The following ODAD2 variants were observed in gnomAD, a reference collection of about 807,000 sequenced individuals.
The protein encoded by ODAD2 is outer dynein arm docking complex subunit 2.
In ODAD2, 89 loss-of-function variants were observed where a neutral mutation model predicts 106.8. The observed-to-expected ratio is 0.83, with a 90% CI of 0.70 to 0.99. ODAD2 has a LOEUF of 0.99. Ranked by LOEUF, ODAD2 falls within the 50% of genes least tolerant of loss-of-function variation. The pLI is 0.00. For missense variants in ODAD2, 1,168 were observed against 1,238.5 expected (o/e 0.94, Z 0.85); for synonymous variants, 404 against 436.2 (o/e 0.93, Z 0.92).
intron 7 of ODAD2, among the ~76,000 whole-genome samples, chr10:27,978,827 C>T (rs1388619557): frequency 1.3e-5 from 2 of 151,828 alleles, no homozygotes; most frequent in Admixed American, 6.6e-5. Flanking sequence ...GAATAGAAGG[C>T]AACTTCCTCA....
rs371609672 is a variant in ODAD2 at position 27,995,153 on chromosome 10, G to A, written c.-11C>T. On this transcript the variant is annotated 5_prime_UTR_variant, in exon 2 of 20. The change creates a new upstream start codon in the 5' untranslated region. Transcript: ENST00000305242. ...CAGAGCCACACCCATGGGATCCACC[G>A]TGCTCAGACCTGAGCTTAGCACACG... 1.9e-5 allele frequency: 31 copies of A among 1,614,040 alleles called. No homozygotes were observed. In the African/African-American group the frequency reaches 2.8e-4, roughly 15 times the overall value.
In ODAD2 at chr10:27,826,459, A is replaced by C. The variant is rs981722449; in HGVS notation, c.3022-13834T>G. Among the ~76,000 whole-genome samples, 3 of 151,962 alleles carry C rather than the reference A, an allele frequency of 2.0e-5. No individual in the cohort carries two copies. In the East Asian group the frequency reaches 5.8e-4, roughly 29 times the overall value. On this transcript the variant is annotated intron_variant, in intron 19 of 19. Coordinates refer to ENST00000305242, the MANE Select transcript of ODAD2 (RefSeq NM_018076.5). ...TTTAAAACCGGCTCCACTCTCCTCA[A>C]ATTACCTAACCCACCACTTCAGTTC...
chr10:27,980,740 T>C (rs1446047356), intron 7 of ODAD2, among the ~76,000 whole-genome samples: 1 of 152,138 alleles, frequency 6.6e-6, no homozygotes, highest in Non-Finnish European at 1.5e-5. Context: ...ATGAAAATGG[T>C]GTGGCCCCCG....
chr10:27,908,978 C>T (rs551175412), intron 16 of ODAD2, among the ~76,000 whole-genome samples: 2 of 152,098 alleles, frequency 1.3e-5, no homozygotes, highest in Non-Finnish European at 2.9e-5. Flanking sequence ...AAACCTAAAA[C>T]TTTCATACCA....
At chr10:27,894,154 T>C (rs1011878023) in intron 17 of ODAD2, among the ~76,000 whole-genome samples, 3 of 151,912 alleles carry the variant, frequency 2.0e-5, no homozygotes, top group African/African-American at 7.3e-5. Flanking sequence ...AAAATAAATA[T>C]TTAAATAAAT....
intron 10 of ODAD2, among the ~76,000 whole-genome samples, chr10:27,951,886 C>T (rs1299531759): frequency 1.3e-5 from 2 of 151,772 alleles, no homozygotes; most frequent in Non-Finnish European, 2.9e-5. Flanking sequence ...ACCAGCCTGA[C>T]CAATATGGTG....
At chr10:27,914,884 C>T (rs1844253927) in intron 16 of ODAD2, among the ~76,000 whole-genome samples, 1 of 151,776 alleles carries the variant, frequency 6.6e-6, no homozygotes, top group African/African-American at 2.4e-5. Flanking sequence ...AACAGAAAAA[C>T]AAAGAGAAAA....
At chr10:27,964,058 C>T (rs1039677229) in intron 9 of ODAD2, among the ~76,000 whole-genome samples, 15 of 152,132 alleles carry the variant, frequency 9.9e-5, no homozygotes, top group African/African-American at 3.6e-4. Flanking sequence ...CCTGTCTCTA[C>T]TAAAAATACA....
chr10:27,851,582 T>G (rs571969297), intron 19 of ODAD2, among the ~76,000 whole-genome samples: 3 of 151,462 alleles, frequency 2.0e-5, no homozygotes, highest in African/African-American at 7.3e-5. Context: ...AATTAAACAT[T>G]GCAGAAAAAA....
Position 27,944,438 on chromosome 10 carries a change from G to A in ODAD2, c.1534-7C>T. On this transcript the variant is annotated splice_region_variant and splice_polypyrimidine_tract_variant and intron_variant, in intron 11 of 19. Coordinates refer to ENST00000305242, the MANE Select transcript of ODAD2 (RefSeq NM_018076.5). The stretch of plus-strand genomic sequence containing the variant: ...GTATTTTTAATGAACCAATCTGTGT[G>A]AGAAAAAAAAAGATGAGTGGCGAAT... The A allele has an allele frequency of 1.2e-6, 2 of 1,604,546 alleles. No homozygotes were observed. Among genetic ancestry groups the A allele is most frequent in the Non-Finnish European group, 1.7e-6 (2 of 1,174,416 alleles).
intron 2 of ODAD2, among the ~76,000 whole-genome samples, chr10:27,988,020 A>AT (rs1588667999): frequency 6.7e-6 from 1 of 150,258 alleles, no homozygotes; most frequent in East Asian, 1.9e-4. Flanking sequence ...TGAAAAAAAA[A>AT]GCAAACTGAA....
chr10:27,837,012 C>T (rs1837944099), intron 19 of ODAD2, among the ~76,000 whole-genome samples: 1 of 152,136 alleles, frequency 6.6e-6, no homozygotes, highest in African/African-American at 2.4e-5. Context: ...CTTTCCAGAT[C>T]CTAAACTGCC....
chr10:27,857,626 A>G (rs1306749631), intron 19 of ODAD2, among the ~76,000 whole-genome samples: 1 of 152,198 alleles, frequency 6.6e-6, no homozygotes, highest in Non-Finnish European at 1.5e-5. Flanking sequence ...ATTCAAACTG[A>G]CTATTCAAAC....
intron 17 of ODAD2, among the ~76,000 whole-genome samples, chr10:27,869,396 T>C (rs1840689607): frequency 1.3e-5 from 2 of 151,914 alleles, no homozygotes; most frequent in Admixed American, 6.6e-5. Flanking sequence ...CCTGAGAGTA[T>C]ACTGAAAAGT....
At chr10:27,887,039 T>C (rs1365585973) in intron 17 of ODAD2, among the ~76,000 whole-genome samples, 2 of 151,888 alleles carry the variant, frequency 1.3e-5, no homozygotes, top group African/African-American at 2.4e-5. Flanking sequence ...TAAATGTAAA[T>C]GGAATAAAGT....
chr10:27,958,830 C>T, intron 10 of ODAD2: 2 of 1,298,542 alleles, frequency 1.5e-6, no homozygotes, highest in Non-Finnish European at 2.0e-6. Context: ...AGGGGTTAGT[C>T]AACTCACCCA....
At chr10:27,986,835 C>T (rs939831830) in intron 3 of ODAD2, among the ~76,000 whole-genome samples, 3 of 151,552 alleles carry the variant, frequency 2.0e-5, no homozygotes, top group Admixed American at 6.6e-5. Flanking sequence ...AAAATATTTG[C>T]CACAAAGTTG....
chr10:27,967,849 CCACTG>C lies in ODAD2; in HGVS notation c.1238+1069_1238+1073del, dbSNP rs1233179537. Among the ~76,000 whole-genome samples, 28 of 150,564 alleles carry C rather than the reference CCACTG, an allele frequency of 1.9e-4. No homozygotes were observed. The South Asian group carries it at 5.0e-3, about 27-fold the overall frequency. On this transcript the variant is annotated intron_variant, in intron 9 of 19. Coordinates refer to ENST00000305242, the MANE Select transcript of ODAD2 (RefSeq NM_018076.5). ...GAGGTTGCACTGAGCCAAGATTGTA[CCACTG>C]CACTCCAGCCTGGGTGACAGACAAG...
intron 17 of ODAD2, among the ~76,000 whole-genome samples, chr10:27,869,868 T>C (rs1206808685): frequency 1.3e-5 from 2 of 152,078 alleles, no homozygotes; most frequent in African/African-American, 4.8e-5. Flanking sequence ...GAATAAGACA[T>C]TATCATTAGA....
Sources: allele counts gnomAD v4.1 joint callset (sites outside exome capture counted in the v4.1 genomes callset), GRCh38; gene constraint gnomAD v4.1.1; transcripts MANE v1.5; gene names NCBI Gene and HGNC (gene_info 2026-07-23, HGNC 2026-07-21).